The following SCN1A variants were observed in gnomAD, a reference collection of about 807,000 sequenced individuals.
SCN1A encodes sodium channel protein type 1 subunit alpha.
Under a neutral mutation model 193.7 loss-of-function variants are expected in SCN1A, and 13 were observed. The observed-to-expected ratio is 0.07, with a 90% CI of 0.04 to 0.11. The LOEUF is 0.11. Among genes scored for constraint, SCN1A ranks in the 10% least tolerant of loss-of-function variants. SCN1A has a pLI of 1.00. For synonymous variants in SCN1A, 781 were observed against 843.6 expected (o/e 0.93, Z 1.29); for missense variants, 1,432 against 2,451.1 (o/e 0.58, Z 8.78).
At chr2:166,077,467 C>T (rs1291570589) in intron 3 of SCN1A, among the ~76,000 whole-genome samples, 3 of 151,820 alleles carry the variant, frequency 2.0e-5, no homozygotes, top group Non-Finnish European at 4.4e-5. Flanking sequence ...GAAGAAGATG[C>T]CCCACATCCA....
In SCN1A at chr2:165,999,882, A is replaced by T. The variant is rs908120660; in HGVS notation, c.4285-106T>A. 1.2e-5 allele frequency: 11 copies of T among 925,474 alleles called. No homozygotes were observed. In the African/African-American group the frequency reaches 1.6e-4, roughly 14 times the overall value. The allele number at this position is 925,474 out of a possible 1,614,324, so 57.3% of individuals were successfully genotyped here. The stretch of plus-strand genomic sequence containing the variant: ...AATTTTCAAAAGGGAATATTTTTGA[A>T]AGACATTTCAAAACAAATTTTACAC... On this transcript the variant is annotated intron_variant, in intron 24 of 28. Transcript: ENST00000674923.
chr2:166,137,671 C>T (rs1304638405), intron 1 of SCN1A: 3 of 152,218 alleles, frequency 2.0e-5, no homozygotes, highest in African/African-American at 4.8e-5. Flanking sequence ...TGTAAATTGT[C>T]ATGTCTCAGG....
At chr2:166,067,507 A>ACTG (rs1683969390) in intron 4 of SCN1A, among the ~76,000 whole-genome samples, 1 of 151,324 alleles carries the variant, frequency 6.6e-6, no homozygotes, top group Non-Finnish European at 1.5e-5. Flanking sequence ...TAGTGCTATG[A>ACTG]CTGCAAATCC....
At chr2:166,006,432 GTGTTA>G (rs1271060876) in intron 23 of SCN1A, among the ~76,000 whole-genome samples, 2 of 151,274 alleles carry the variant, frequency 1.3e-5, no homozygotes, top group East Asian at 3.9e-4. Flanking sequence ...TGTTTTCACT[GTGTTA>G]TGTTTTAAAA....
rs1326158259 is a variant in SCN1A at position 165,996,091 on chromosome 2, T to C, written c.4503A>G (p.Thr1501=). Residue 1501 remains threonine (T), a synonymous_variant, in exon 27 of 29, where the codon ACA becomes ACG. Transcript: ENST00000674923. ...CATTATAGTATTTCTTCTGTTCTTC[T>C]GTCATAAAGATGTCTTGACCTCCAA... The part of the protein sequence containing the change: ...KKFGGQDIFM[T]EEQKKYYNAM... 6.2e-7 allele frequency: 1 copy of C among 1,608,360 alleles called. No homozygotes were observed. The highest frequency in any genetic ancestry group is 2.2e-5 in the East Asian group (1 of 44,648).
intron 4 of SCN1A, among the ~76,000 whole-genome samples, chr2:166,065,299 T>C (rs1381271197): frequency 6.6e-6 from 1 of 152,094 alleles, no homozygotes; most frequent in Non-Finnish European, 1.5e-5. Flanking sequence ...AGGGGGAGAA[T>C]TAGAGCCATG....
At chr2:166,093,363 G>A (rs1035379099) in intron 2 of SCN1A, among the ~76,000 whole-genome samples, 2 of 151,536 alleles carry the variant, frequency 1.3e-5, no homozygotes, top group Non-Finnish European at 2.9e-5. Context: ...CTTTGAGATG[G>A]AGTCTCACTC....
intron 2 of SCN1A, among the ~76,000 whole-genome samples, chr2:166,120,948 G>A (rs1690515615): frequency 6.6e-6 from 1 of 151,478 alleles, no homozygotes; most frequent in Admixed American, 6.6e-5. Flanking sequence ...AATTTTGTTT[G>A]GGTTGAATTA....
At chr2:166,089,614 G>C (rs1230033731) in intron 2 of SCN1A, among the ~76,000 whole-genome samples, 1 of 152,014 alleles carries the variant, frequency 6.6e-6, no homozygotes, top group African/African-American at 2.4e-5. Context: ...AATTTCAGTG[G>C]AAGAATACAT....
intron 2 of SCN1A, among the ~76,000 whole-genome samples, chr2:166,095,082 T>G (rs1469079698): frequency 6.6e-6 from 1 of 152,198 alleles, no homozygotes; most frequent in East Asian, 1.9e-4. Flanking sequence ...AAGCTCCCCA[T>G]TGCTACAGTT....
chr2:166,002,571 A>G lies in SCN1A; in HGVS notation c.4185T>C (p.Asp1395=). The change falls in exon 24 of 29, where the codon GAT becomes GAC. Residue 1395 remains aspartate (D), a synonymous_variant. Transcript: ENST00000674923. ...FDIEDVNNHT[D]CLKLIERNET... is the part of the protein sequence containing the mutation. ...CATTTCTTTCTATTAGTTTTAGGCA[A>G]TCAGTATGATTATTCACGTCTTCGA... 6.2e-7 allele frequency: 1 copy of G among 1,611,978 alleles called. No homozygotes were observed. Among genetic ancestry groups the G allele is most frequent in the East Asian group, 2.2e-5 (1 of 44,788 alleles).
At chr2:166,090,709 A>G (rs554188103) in intron 2 of SCN1A, among the ~76,000 whole-genome samples, 1 of 152,312 alleles carries the variant, frequency 6.6e-6, no homozygotes, top group Non-Finnish European at 1.5e-5. Flanking sequence ...CATGGTACCC[A>G]GAAGAGTGAT....
chr2:166,041,457 G>T lies in SCN1A; in HGVS notation c.2189C>A (p.Ser730Tyr). The T allele has an allele frequency of 1.9e-6, 3 of 1,558,706 alleles. No homozygotes were observed. The highest frequency in any genetic ancestry group is 2.6e-6 in the Non-Finnish European group (3 of 1,138,546). ...CCAACAGGGTGGGCATTTCTGCCTGGATTCTTCAAGTTCTAGATTAAGAAA... is the reference window on the plus strand; with the variant it reads ...CCAACAGGGTGGGCATTTCTGCCTGTATTCTTCAAGTTCTAGATTAAGAAA... ...LTNTVEELEE[S>Y]RQKCPPCWYK... Residue 730 changes from serine to tyrosine, a missense_variant, in exon 16 of 29, where the codon TCC becomes TAC. Ser to Tyr is a moderately radical substitution (Grantham distance 144). Around this residue, in one of 18 missense-constraint regions of SCN1A, gnomAD observed 316 missense variants for 362.1 expected, o/e 0.87. Coordinates refer to ENST00000674923, the MANE Select transcript of SCN1A (RefSeq NM_001165963.4).
chr2:166,131,061 T>A (rs1691638527), upstream of SCN1A, among the ~76,000 whole-genome samples: 1 of 149,286 alleles, frequency 6.7e-6, no homozygotes, highest in African/African-American at 2.5e-5. Flanking sequence ...CAGCTTTGCA[T>A]TTTATTTATT....
chr2:166,104,583 A>G (rs1688487691), intron 2 of SCN1A, among the ~76,000 whole-genome samples: 1 of 152,116 alleles, frequency 6.6e-6, no homozygotes, highest in Non-Finnish European at 1.5e-5. Context: ...TCTCTACAAA[A>G]AATACAAAAA....
chr2:166,055,932 A>C (rs1438542141), intron 6 of SCN1A, among the ~76,000 whole-genome samples: 1 of 152,008 alleles, frequency 6.6e-6, no homozygotes, highest in Admixed American at 6.6e-5. Flanking sequence ...TTATTTTTCA[A>C]TTTGTTGGTG....
At chr2:166,015,799 A>T in intron 19 of SCN1A, 72 bp from the exon 20 acceptor site, 3 of 1,538,336 alleles carry the variant, frequency 2.0e-6, no homozygotes, top group African/African-American at 2.7e-5. Context: ...AGAAAGGATT[A>T]TTACTATGAA....
At chr2:166,085,973 A>G (rs929880203) in intron 2 of SCN1A, among the ~76,000 whole-genome samples, 3 of 152,218 alleles carry the variant, frequency 2.0e-5, no homozygotes, top group Admixed American at 1.3e-4. Flanking sequence ...TCAGAAACTC[A>G]GTATATTAAA....
chr2:166,103,245 G>C (rs1406135448), intron 2 of SCN1A, among the ~76,000 whole-genome samples: 1 of 152,048 alleles, frequency 6.6e-6, no homozygotes, highest in African/African-American at 2.4e-5. Context: ...GAGGCCAGGA[G>C]CTCAAGACCA....
Sources: gnomAD v4.1 joint callset for allele counts (sites outside exome capture counted in the v4.1 genomes callset) on GRCh38, gnomAD v4.1.1 for gene constraint, gnomAD v4.1.1 regional missense constraint, MANE v1.5 for transcripts, NCBI Gene and HGNC (gene_info 2026-07-23, HGNC 2026-07-21) for gene names.